Variants in STK10 observed in about 807,000 individuals in gnomAD.
STK10 encodes serine/threonine-protein kinase 10.
In STK10, 78 loss-of-function variants were observed where a neutral mutation model predicts 113.8. That is an observed-to-expected ratio of 0.69 (90% CI 0.57 to 0.83). The LOEUF is 0.83. STK10 is among the 40% of genes least tolerant of loss of function. STK10 has a pLI of 0.00. For missense variants in STK10, 1,109 were observed against 1,280.1 expected, an observed-to-expected ratio of 0.87 and a Z score of 2.04; for synonymous variants, 465 against 494.7, an observed-to-expected ratio of 0.94 and a Z score of 0.80.
intron 1 of STK10, among the ~76,000 whole-genome samples, chr5:172,160,089 T>C (rs567547497): frequency 8.6e-5 from 13 of 151,778 alleles, no homozygotes; most frequent in African/African-American, 2.2e-4. Context: ...TGAGCCGAGA[T>C]TGCACCACGG....
rs866186449 is a variant in STK10, at chr5:172,129,508, T to A, written c.322-2087A>T. Reference sequence around the variant, plus strand: ...AAGTCATCAGAAATGGATCCATGCATGCTGATCCCGAACGCCAAGGAAGAG... The same window carrying A: ...AAGTCATCAGAAATGGATCCATGCAAGCTGATCCCGAACGCCAAGGAAGAG... On this transcript the variant is annotated intron_variant, in intron 2 of 18. Coordinates refer to ENST00000176763, the MANE Select transcript of STK10 (RefSeq NM_005990.4). Among the ~76,000 whole-genome samples, 29 of 152,332 alleles carry A rather than the reference T, an allele frequency of 1.9e-4. No individual in the cohort carries two copies. The Middle Eastern group carries it at 0.014, about 71-fold the overall frequency.
intron 14 of STK10, among the ~76,000 whole-genome samples, chr5:172,060,730 C>G (rs1022022955): frequency 6.6e-5 from 10 of 152,190 alleles, no homozygotes; most frequent in African/African-American, 2.4e-4. Context: ...TCCTCATCTA[C>G]AGAAATGGGG....
At chr5:172,183,685 G>A (rs1770902344) in intron 1 of STK10, among the ~76,000 whole-genome samples, 1 of 152,088 alleles carries the variant, frequency 6.6e-6, no homozygotes, top group Admixed American at 6.6e-5. Context: ...TTGAACTCCT[G>A]ACGTCAAGTG....
At chr5:172,172,861 T>G (rs1256585833) in intron 1 of STK10, among the ~76,000 whole-genome samples, 1 of 152,056 alleles carries the variant, frequency 6.6e-6, no homozygotes. Flanking sequence ...GTGCCTGTAA[T>G]TCCAGCTACT....
chr5:172,093,784 T>C lies in STK10; in HGVS notation c.1182A>G (p.Pro394=). ...GDRSLQTTSP[P]VVAPGNENGL... ...CGTTCTCATTTCCAGGGGCCACGACTGGGGGACTGGTGGTTTGGAGGGATC... is the reference window on the plus strand; with the variant it reads ...CGTTCTCATTTCCAGGGGCCACGACCGGGGGACTGGTGGTTTGGAGGGATC... Residue 394 remains proline (P), a synonymous_variant, in exon 9 of 19, where the codon CCA becomes CCG. Coordinates refer to ENST00000176763, the MANE Select transcript of STK10 (RefSeq NM_005990.4). The surrounding 1 kb of genome is among the most constrained non-coding windows in gnomAD (Gnocchi z 4.1). 6.2e-7 allele frequency: 1 copy of C among 1,609,320 alleles called. No homozygotes were observed. The highest frequency in any genetic ancestry group is 2.2e-5 in the East Asian group (1 of 44,724).
intron 12 of STK10, among the ~76,000 whole-genome samples, chr5:172,071,867 G>C (rs1374917423): frequency 6.6e-6 from 1 of 152,082 alleles, no homozygotes; most frequent in Non-Finnish European, 1.5e-5. Flanking sequence ...CATCTCCTTT[G>C]CTGTGTGTCT....
chr5:172,165,954 C>A (rs1454722468), intron 1 of STK10, among the ~76,000 whole-genome samples: 1 of 152,060 alleles, frequency 6.6e-6, no homozygotes, highest in Non-Finnish European at 1.5e-5. Flanking sequence ...CCACCACGCC[C>A]GGCTGTTTTT....
chr5:172,135,946 GAACCCAGGAGGTGGA>G (rs1462936036), intron 2 of STK10, among the ~76,000 whole-genome samples: 2 of 151,928 alleles, frequency 1.3e-5, no homozygotes, highest in South Asian at 2.1e-4. Context: ...AGAATCGCTT[GAACCCAGGAGGTGGA>G]GGTTGCAGTG....
At chr5:172,107,941 C>A (rs766149757) in intron 4 of STK10, 89 bp from the exon 5 acceptor site, 4 of 1,082,434 alleles carry the variant, frequency 3.7e-6, no homozygotes, top group South Asian at 2.7e-5. Context: ...CATTCCAAGT[C>A]GACTAACAGA....
At chr5:172,064,109 G>A (rs1264638848) in intron 13 of STK10, among the ~76,000 whole-genome samples, 1 of 152,134 alleles carries the variant, frequency 6.6e-6, no homozygotes, top group Admixed American at 6.5e-5. Flanking sequence ...CAGGAGAGAA[G>A]AAACTGCAGG....
chr5:172,053,028 G>A lies in STK10; in HGVS notation c.2667C>T (p.His889=). 6.2e-7 allele frequency: 1 copy of A among 1,614,174 alleles called. No homozygotes were observed. Among genetic ancestry groups the A allele is most frequent in the Non-Finnish European group, 8.5e-7 (1 of 1,180,040 alleles). Residue 889 remains histidine (H), a synonymous_variant, in exon 18 of 19, where the codon CAC becomes CAT. Coordinates refer to ENST00000176763, the MANE Select transcript of STK10 (RefSeq NM_005990.4). ...TCTGGGTTTCGTGCTCTACCAGGAG[G>A]TGGCACTTTTCATTCTGGAACAGAT... ...ELQQLQNEKC[H]LLVEHETQKL... is the part of the protein sequence containing the mutation.
At chr5:172,129,135 G>C (rs1395233692) in intron 2 of STK10, among the ~76,000 whole-genome samples, 2 of 152,178 alleles carry the variant, frequency 1.3e-5, no homozygotes, top group East Asian at 3.9e-4. Flanking sequence ...GCTCTGAACT[G>C]GGACCCCATG....
chr5:172,072,101 A>C (rs952369424), intron 12 of STK10, among the ~76,000 whole-genome samples: 1 of 152,230 alleles, frequency 6.6e-6, no homozygotes, highest in African/African-American at 2.4e-5. Flanking sequence ...AGCTGATGCA[A>C]TATTTTAAAA....
rs570096719 is a variant in STK10 at position 172,110,329 on chromosome 5, C to T, written c.521-2477G>A. On this transcript the variant is annotated intron_variant, in intron 4 of 18. Transcript: ENST00000176763. ...AGGAAGGACAGTTTTATTCAGCATA[C>T]ACTAACTGCACATCTATTATGTGCC... Among the ~76,000 whole-genome samples the T allele has an allele frequency of 3.9e-5, 6 of 152,266 alleles. No individual in the cohort carries two copies. The South Asian group carries it at 8.3e-4, about 21-fold the overall frequency.
chr5:172,096,533 T>C lies in STK10; in HGVS notation c.898A>G (p.Asn300Asp), dbSNP rs767736968. Residue 300 changes from asparagine to aspartate, a missense_variant, in exon 8 of 19, where the codon AAC becomes GAC. Around this residue, in one of 5 missense-constraint regions of STK10, gnomAD observed 885 missense variants for 991.1 expected, o/e 0.89. Coordinates refer to ENST00000176763, the MANE Select transcript of STK10 (RefSeq NM_005990.4). The part of the protein sequence containing the change: ...EHPFVSSITS[N>D]KALRELVAEA... Reference sequence around the variant, plus strand: ...GCCACCAGCTCCCGCAGAGCCTTGTTACTGGTGATGCTGCTGACGAAGGGA... The same window carrying C: ...GCCACCAGCTCCCGCAGAGCCTTGTCACTGGTGATGCTGCTGACGAAGGGA... The C allele has an allele frequency of 1.1e-5, 17 of 1,613,698 alleles. No homozygotes were observed. The highest frequency in any genetic ancestry group is 1.4e-5 in the Non-Finnish European group (16 of 1,180,042).
intron 14 of STK10, among the ~76,000 whole-genome samples, chr5:172,057,867 T>C (rs920305876): frequency 6.6e-5 from 10 of 152,220 alleles, no homozygotes; most frequent in East Asian, 1.9e-4. Flanking sequence ...GGGAGAAACT[T>C]TGAAGTGCAA....
rs116090767 is a variant in STK10, at chr5:172,053,025, G to C, written c.2670C>G (p.Leu890=). The part of the protein sequence containing the change: ...LQQLQNEKCH[L]LVEHETQKLK... ...GTTTCTGGGTTTCGTGCTCTACCAG[G>C]AGGTGGCACTTTTCATTCTGGAACA... is the stretch of plus-strand genomic sequence containing the variant. The change falls in exon 18 of 19, where the codon CTC becomes CTG. Residue 890 remains leucine, a synonymous_variant. Coordinates refer to ENST00000176763, the MANE Select transcript of STK10 (RefSeq NM_005990.4). The C allele has an allele frequency of 1.9e-6, 3 of 1,614,170 alleles. No individual in the cohort carries two copies. Among genetic ancestry groups the C allele is most frequent in the Non-Finnish European group, 2.5e-6 (3 of 1,180,020 alleles).
At chr5:172,182,747 T>A (rs1770882742) in intron 1 of STK10, among the ~76,000 whole-genome samples, 1 of 151,712 alleles carries the variant, frequency 6.6e-6, no homozygotes, top group African/African-American at 2.4e-5. Context: ...AGAGACGGGG[T>A]TTCACCATGT....
At chr5:172,066,933 C>T (rs925845858) in intron 12 of STK10, among the ~76,000 whole-genome samples, 1 of 152,236 alleles carries the variant, frequency 6.6e-6, no homozygotes, top group East Asian at 1.9e-4. Context: ...TAAACTAACA[C>T]TGAAACCACT....
Sources: allele counts gnomAD v4.1 joint callset (sites outside exome capture counted in the v4.1 genomes callset), GRCh38; gene constraint gnomAD v4.1.1; regional missense constraint gnomAD v4.1.1; non-coding constraint Gnocchi (gnomAD v3.1); transcripts MANE v1.5; gene names NCBI Gene and HGNC (gene_info 2026-07-23, HGNC 2026-07-21).